CD163L1: variants seen among roughly 807,000 people sequenced by gnomAD.
The protein encoded by CD163L1 is scavenger receptor cysteine-rich type 1 protein M160.
CD163L1 carries 124 observed loss-of-function variants against 165.4 expected under a neutral mutation model. The ratio of observed to expected loss-of-function variants is 0.75; its 90% CI spans 0.65 to 0.87. The LOEUF is 0.87. Ranked by LOEUF, CD163L1 falls within the 40% of genes least tolerant of loss-of-function variation. CD163L1 has a pLI of 0.00. For synonymous variants in CD163L1, 585 were observed against 662.2 expected, an observed-to-expected ratio of 0.88 and a Z score of 1.79; for missense variants, 1,525 against 1,799.9, an observed-to-expected ratio of 0.85 and a Z score of 2.76.
chr12:7,390,633 A>G (rs1335667730), intron 8 of CD163L1, among the ~76,000 whole-genome samples: 2 of 152,246 alleles, frequency 1.3e-5, no homozygotes, highest in Non-Finnish European at 2.9e-5. Flanking sequence ...ACGTCTACCT[A>G]CATTAAAAGG....
At chr12:7,338,929 G>C in the CD163L1 span, among the ~76,000 whole-genome samples, 1 of 152,138 alleles carries the variant, frequency 6.6e-6, no homozygotes, top group African/African-American at 2.4e-5. Context: ...TTGGCTCTAT[G>C]CTGTGTTTGC....
the CD163L1 span, chr12:7,324,633 A>G: frequency 2.6e-5 from 42 of 1,603,630 alleles, no homozygotes; most frequent in African/African-American, 3.9e-4. Context: ...AAGCAACATC[A>G]TATTTTCAAG....
chr12:7,408,497 T>C (rs1948073989), intron 4 of CD163L1, among the ~76,000 whole-genome samples: 1 of 152,202 alleles, frequency 6.6e-6, no homozygotes, highest in Admixed American at 6.5e-5. Context: ...CAGTTGTATG[T>C]ATTTTGGGGA....
intron 18 of CD163L1, among the ~76,000 whole-genome samples, chr12:7,361,539 G>T (rs912067629): frequency 5.3e-5 from 8 of 152,116 alleles, no homozygotes; most frequent in African/African-American, 1.9e-4. Context: ...CTGTAGCAGG[G>T]CAGATATGCT....
rs112308160 is a variant in CD163L1, at chr12:7,439,827, G to A, written c.124+1327C>T. On this transcript the variant is annotated intron_variant, in intron 2 of 19. Transcript: ENST00000313599. ...TCTCCACCTCGAACACATCCTCTCC[G>A]TCCTCCTCACTGTCGCCAAAGGCCT... 1,003 of 1,613,172 alleles carry A rather than the reference G, an allele frequency of 6.2e-4. 5 individuals are homozygous for A. The African/African-American group carries it at 0.012, about 19-fold the overall frequency.
chr12:7,375,263 T>G lies in CD163L1; in HGVS notation c.3001+18A>C. On this transcript the variant is annotated intron_variant, in intron 11 of 19. Transcript: ENST00000313599. ...GGGCTATATTGACAGTAGTTAACCA[T>G]AAGCACTATTCTCTTACCTGTGCAG... is the stretch of plus-strand genomic sequence containing the variant. 1.2e-6 allele frequency: 2 copies of G among 1,611,416 alleles called. No homozygotes were observed. The highest frequency in any genetic ancestry group is 1.7e-6 in the Non-Finnish European group (2 of 1,178,178).
In CD163L1 at chr12:7,374,605, G is replaced by A. The variant is rs766987980; in HGVS notation, c.3246C>T (p.Ala1082=). 1 of 1,614,194 alleles carries A rather than the reference G, an allele frequency of 6.2e-7. No individual in the cohort carries two copies. The highest frequency in any genetic ancestry group is 1.1e-5 in the South Asian group (1 of 91,086). The part of the protein sequence containing the change: ...VVCQKLGCGV[A]FNATVSAHFG... ...AGTGAGCAGAGACCGTGGCATTGAA[G>A]GCCACTCCACAGCCCAGCTTTTGAC... is the stretch of plus-strand genomic sequence containing the variant. The change falls in exon 13 of 20, where the codon GCC becomes GCT. Residue 1082 remains alanine, a synonymous_variant. Coordinates refer to ENST00000313599, the MANE Select transcript of CD163L1 (RefSeq NM_174941.6). This position sits in a 1 kb window ranked among gnomAD's most constrained non-coding sequence, Gnocchi z 5.4.
At position 7,375,952 on chromosome 12, in the gene CD163L1, G is replaced by A. The variant is rs775120029; in HGVS notation, c.2434C>T (p.His812Tyr). The change falls in exon 10 of 20, where the codon CAT (histidine) becomes TAT (tyrosine). Residue 812 changes from histidine (H) to tyrosine (Y), a missense_variant. Coordinates refer to ENST00000313599, the MANE Select transcript of CD163L1 (RefSeq NM_174941.6). ...MPCSGRVEVK[H>Y]ADTWRSVCDS... Reference sequence around the variant, plus strand: ...CAGACAGAGCGCCATGTGTCTGCATGTTTCACTTCAACACGTCCAGAGCAG... The same window carrying A: ...CAGACAGAGCGCCATGTGTCTGCATATTTCACTTCAACACGTCCAGAGCAG... 1.2e-6 allele frequency: 2 copies of A among 1,614,094 alleles called. No individual in the cohort carries two copies. Among genetic ancestry groups the A allele is most frequent in the East Asian group, 2.2e-5 (1 of 44,898 alleles).
At chr12:7,329,780 C>T in the CD163L1 span, among the ~76,000 whole-genome samples, 1 of 152,018 alleles carries the variant, frequency 6.6e-6, no homozygotes, top group Admixed American at 6.5e-5. Context: ...TTAATGAGTT[C>T]AGGTTATAAC....
rs375236297 is a variant in CD163L1 at position 7,379,085 on chromosome 12, G to T, written c.2264C>A (p.Ser755Ter). The change falls in exon 9 of 20, where the codon TCG becomes TAG. Residue 755 changes from serine (S) to a stop codon, truncating the protein, a stop_gained. Transcript: ENST00000313599. LOFTEE classifies it high-confidence loss of function. ...TTCCCCTCCAGTGCAGCCAGAATTC[G>T]ACATTAAGATGTGTAATGTTCTTTC... The part of the protein sequence containing the change: ...FTERTLHILM[S>*]NSGCTGGEAS... 2 of 1,614,108 alleles carry T rather than the reference G, an allele frequency of 1.2e-6. No individual in the cohort carries two copies. Among genetic ancestry groups the T allele is most frequent in the Non-Finnish European group, 1.7e-6 (2 of 1,179,996 alleles).
downstream of CD163L1, among the ~76,000 whole-genome samples, chr12:7,351,966 G>T (rs1344219461): frequency 6.6e-6 from 1 of 152,096 alleles, no homozygotes; most frequent in East Asian, 1.9e-4. Context: ...ATAAGAATTT[G>T]TTAATTTATA....
At chr12:7,406,407 A>G in intron 5 of CD163L1, 125 bp downstream of exon 5, 1 of 838,228 alleles carries the variant, frequency 1.2e-6, no homozygotes, top group Non-Finnish European at 1.9e-6. Flanking sequence ...CTTACACATC[A>G]CAATTGGTTG....
At chr12:7,321,723 A>G in the CD163L1 span, among the ~76,000 whole-genome samples, 1 of 152,226 alleles carries the variant, frequency 6.6e-6, no homozygotes. Flanking sequence ...CAGTAAGGCT[A>G]GTGGTTAAAA....
Position 7,369,780 on chromosome 12 carries a change from A to C in CD163L1, c.3731-115T>G, listed in dbSNP as rs1947108354. On this transcript the variant is annotated intron_variant, in intron 14 of 19. Coordinates refer to ENST00000313599, the MANE Select transcript of CD163L1 (RefSeq NM_174941.6). The surrounding 1 kb of genome is among the most constrained non-coding windows in gnomAD (Gnocchi z 4.9). The stretch of plus-strand genomic sequence containing the variant: ...CTTGATGAATATGGGTGTGGTAAGG[A>C]AGGCAGAATTTCAATGTTACATAGA... The C allele has an allele frequency of 8.1e-6, 7 of 864,952 alleles. No individual in the cohort carries two copies. Among genetic ancestry groups the C allele is most frequent in the Non-Finnish European group, 1.3e-5 (7 of 554,220 alleles). 53.6% of individuals were successfully genotyped at this position (864,952 alleles called of 1,614,324 possible). A position where few individuals can be genotyped will look rare whatever the true frequency, so the allele number is the denominator to read the frequency against.
At chr12:7,349,535 A>G (rs1946693758) in intron 4 of CD163L1, among the ~76,000 whole-genome samples, 2 of 152,230 alleles carry the variant, frequency 1.3e-5, no homozygotes, top group Admixed American at 6.5e-5. Flanking sequence ...CAAGTAATAA[A>G]ACATGACTGG....
Position 7,368,823 on chromosome 12 carries a change from A to G in CD163L1, c.4072+110T>C. The G allele has an allele frequency of 8.2e-7, 1 of 1,226,378 alleles. No homozygotes were observed. Among genetic ancestry groups the G allele is most frequent in the South Asian group, 1.2e-5 (1 of 81,738 alleles). The allele number at this position is 1,226,378 out of a possible 1,614,324, so 76.0% of individuals were successfully genotyped here. A position where few individuals can be genotyped will look rare whatever the true frequency, so the allele number is the denominator to read the frequency against. ...CACTGGCTGCGACCCACAGACTCAT[A>G]TTTCTGCAGTCCCCAGTCTTCTTTG... On this transcript the variant is annotated intron_variant, in intron 16 of 19. Coordinates refer to ENST00000313599, the MANE Select transcript of CD163L1 (RefSeq NM_174941.6). This position sits in a 1 kb window ranked among gnomAD's most constrained non-coding sequence, Gnocchi z 4.3.
intron 7 of CD163L1, among the ~76,000 whole-genome samples, chr12:7,396,986 T>C (rs1947792106): frequency 2.0e-5 from 3 of 152,268 alleles, no homozygotes; most frequent in East Asian, 1.9e-4. Flanking sequence ...GTTTTATGAA[T>C]TGATGCTGTA....
chr12:7,404,622 T>G (rs73272433), intron 5 of CD163L1, among the ~76,000 whole-genome samples: 31 of 152,260 alleles, frequency 2.0e-4, no homozygotes, highest in African/African-American at 7.2e-4. Context: ...GAGATATAAT[T>G]TCTATGTCTC....
the CD163L1 span, chr12:7,328,425 T>A: frequency 7.4e-7 from 1 of 1,344,118 alleles, no homozygotes; most frequent in Non-Finnish European, 1.0e-6. Flanking sequence ...TTTCTTTTAG[T>A]ATTTGTTCCG....
Sources: gnomAD v4.1 joint callset for allele counts (sites outside exome capture counted in the v4.1 genomes callset) on GRCh38, gnomAD v4.1.1 for gene constraint, Gnocchi (gnomAD v3.1) non-coding constraint, MANE v1.5 for transcripts, NCBI Gene and HGNC (gene_info 2026-07-23, HGNC 2026-07-21) for gene names.